The following HS3ST4 variants were observed in gnomAD, a reference collection of about 807,000 sequenced individuals.
HS3ST4 encodes heparan sulfate-glucosamine 3-sulfotransferase 4, also known as heparan sulfate glucosamine 3-O-sulfotransferase 4.
HS3ST4 carries 17 observed loss-of-function variants against 29.2 expected under a neutral mutation model. The ratio of observed to expected loss-of-function variants is 0.58; its 90% CI spans 0.40 to 0.87. The LOEUF is 0.87. Among genes scored for constraint, HS3ST4 ranks in the 40% least tolerant of loss-of-function variants. The probability of loss-of-function intolerance (pLI) is 0.00; values close to 1 mark genes in which losing one functional copy is unlikely to be tolerated. For missense variants in HS3ST4, 627 were observed against 634.5 expected, an observed-to-expected ratio of 0.99 and a Z score of 0.13; for synonymous variants, 314 against 285.7, an observed-to-expected ratio of 1.10 and a Z score of -1.00.
chr16:26,089,842 G>T (rs1439925357), intron 1 of HS3ST4, among the ~76,000 whole-genome samples: 1 of 152,128 alleles, frequency 6.6e-6, no homozygotes, highest in African/African-American at 2.4e-5. Flanking sequence ...TTTGGTCTCT[G>T]CAACTTTGGG....
intron 1 of HS3ST4, among the ~76,000 whole-genome samples, chr16:25,867,857 C>A (rs1967712010): frequency 6.6e-6 from 1 of 152,048 alleles, no homozygotes; most frequent in Non-Finnish European, 1.5e-5. Context: ...TTCATCGGGC[C>A]TCAGTTTACC....
chr16:25,927,446 G>A (rs959699070), intron 1 of HS3ST4, among the ~76,000 whole-genome samples: 3 of 152,160 alleles, frequency 2.0e-5, no homozygotes, highest in Non-Finnish European at 4.4e-5. Context: ...CTAACAATGT[G>A]AGCAATAATT....
intron 1 of HS3ST4, among the ~76,000 whole-genome samples, chr16:25,701,473 G>A (rs1269379404): frequency 6.6e-6 from 1 of 152,128 alleles, no homozygotes; most frequent in Non-Finnish European, 1.5e-5. Context: ...TAGAGAAAGA[G>A]GGGTTCAAGG....
At chr16:25,844,613 A>G (rs961353712) in intron 1 of HS3ST4, among the ~76,000 whole-genome samples, 4 of 152,202 alleles carry the variant, frequency 2.6e-5, no homozygotes, top group Non-Finnish European at 5.9e-5. Context: ...AGAAATGTTA[A>G]TTAGTTCAAC....
chr16:25,988,396 T>C (rs1328489543), intron 1 of HS3ST4, among the ~76,000 whole-genome samples: 1 of 152,136 alleles, frequency 6.6e-6, no homozygotes, highest in African/African-American at 2.4e-5. Flanking sequence ...GGACTGTGGA[T>C]GTTTTTTGGT....
At chr16:25,727,779 T>A (rs1966546637) in intron 1 of HS3ST4, among the ~76,000 whole-genome samples, 1 of 152,206 alleles carries the variant, frequency 6.6e-6, no homozygotes, top group Non-Finnish European at 1.5e-5. Context: ...ACTAGAATTA[T>A]GATCAGCTTC....
At chr16:25,898,264 T>C (rs192933589) in intron 1 of HS3ST4, among the ~76,000 whole-genome samples, 1 of 152,388 alleles carries the variant, frequency 6.6e-6, no homozygotes, top group Non-Finnish European at 1.5e-5. Context: ...TTAGTAGTGC[T>C]AATGGCACTC....
At chr16:25,790,627 T>A (rs770530334) in intron 1 of HS3ST4, among the ~76,000 whole-genome samples, 2 of 152,188 alleles carry the variant, frequency 1.3e-5, no homozygotes, top group Admixed American at 6.5e-5. Context: ...TTTGCATTTC[T>A]CTGACCACTG....
chr16:25,798,436 C>T (rs946217774), intron 1 of HS3ST4, among the ~76,000 whole-genome samples: 20 of 152,192 alleles, frequency 1.3e-4, no homozygotes, highest in Non-Finnish European at 1.9e-4. Context: ...CTCCCCTCAT[C>T]TGGGATGTTA....
chr16:25,904,135 GATGGATGGATGGATGGATGAATGGATGA>G (rs1460926211), intron 1 of HS3ST4, among the ~76,000 whole-genome samples: 4,571 of 120,074 alleles, frequency 0.038, 242 homozygotes, highest in African/African-American at 0.15. Context: ...TGGATGGATG[GATGGATGGATGGATGGATGAATGGATGA>G]ATGGATGGAT....
intron 1 of HS3ST4, among the ~76,000 whole-genome samples, chr16:25,897,022 G>C (rs138258973): frequency 2.6e-5 from 4 of 152,114 alleles, no homozygotes; most frequent in Admixed American, 6.5e-5. Context: ...AAGGGAACAC[G>C]GGTTGAAAAA....
chr16:25,693,168 C>T lies in HS3ST4; in HGVS notation c.734+17C>T, dbSNP rs1966269768. Reference sequence around the variant, plus strand: ...GTGGTACAGGTAGGACCCTGGGCTCCGCGGGCTGGTGGAGACGCGTGGGGG... The same window carrying T: ...GTGGTACAGGTAGGACCCTGGGCTCTGCGGGCTGGTGGAGACGCGTGGGGG... On this transcript the variant is annotated intron_variant, in intron 1 of 1. Coordinates refer to ENST00000331351, the MANE Select transcript of HS3ST4 (RefSeq NM_006040.3). The T allele has an allele frequency of 6.5e-6, 10 of 1,547,874 alleles. No individual in the cohort carries two copies. The highest frequency in any genetic ancestry group is 8.7e-6 in the Non-Finnish European group (10 of 1,149,286).
At chr16:25,887,769 C>T (rs1596603281) in intron 1 of HS3ST4, among the ~76,000 whole-genome samples, 1 of 143,480 alleles carries the variant, frequency 7.0e-6, no homozygotes, top group African/African-American at 2.7e-5. Flanking sequence ...GCTATCTCGG[C>T]TCACTGCCAG....
At chr16:25,828,242 C>CTTTTTCTATCTATCTTTCTTTCTT (rs1371928058) in intron 1 of HS3ST4, among the ~76,000 whole-genome samples, 1 of 75,018 alleles carries the variant, frequency 1.3e-5, no homozygotes, top group Non-Finnish European at 2.5e-5. Flanking sequence ...TTCTTTCTTT[C>CTTTTTCTATCTATCTTTCTTTCTT]TCTTTCTTTC....
intron 1 of HS3ST4, among the ~76,000 whole-genome samples, chr16:25,744,860 CCTT>C (rs1355907588): frequency 6.6e-6 from 1 of 152,206 alleles, no homozygotes; most frequent in Non-Finnish European, 1.5e-5. Flanking sequence ...AATTGCTCCT[CCTT>C]GCCTTCCACC....
rs543248387 is a variant in HS3ST4 at position 25,972,813 on chromosome 16, A to G, written c.735-162799A>G. On this transcript the variant is annotated intron_variant, in intron 1 of 1. Transcript: ENST00000331351. ...TTAGGAGCCATCAGTGCTGCCAGCC[A>G]CAGTGGCTGTGAGGATCAAATGAGT... 3.3e-5 allele frequency among the ~76,000 whole-genome samples: 5 copies of G among 152,362 alleles called. No individual in the cohort carries two copies. In the East Asian group the frequency reaches 9.6e-4, roughly 29 times the overall value.
chr16:25,872,860 T>A (rs575913738), intron 1 of HS3ST4, among the ~76,000 whole-genome samples: 1 of 150,728 alleles, frequency 6.6e-6, no homozygotes, highest in South Asian at 2.2e-4. Flanking sequence ...AGCTTCTCTG[T>A]GGGTCTAGCT....
At chr16:26,089,083 G>A (rs1214395501) in intron 1 of HS3ST4, among the ~76,000 whole-genome samples, 2 of 152,194 alleles carry the variant, frequency 1.3e-5, no homozygotes, top group African/African-American at 4.8e-5. Flanking sequence ...GTGTGCACAC[G>A]CACACATGCA....
rs1220084493 is a variant in HS3ST4, at chr16:25,841,788, T to TTCTA, written c.734+148637_734+148638insTCTA. On this transcript the variant is annotated intron_variant, in intron 1 of 1. Transcript: ENST00000331351. Reference sequence around the variant, plus strand: ...AACTAGAACCTGCGTCTGTGGGTGGTGTGGAGACTATTGCTTCAATATGTT... The same window carrying TTCTA: ...AACTAGAACCTGCGTCTGTGGGTGGTTCTAGTGGAGACTATTGCTTCAATATGTT... Among the ~76,000 whole-genome samples, 4 of 152,262 alleles carry TTCTA rather than the reference T, an allele frequency of 2.6e-5. No individual in the cohort carries two copies. The East Asian group carries it at 7.7e-4, about 29-fold the overall frequency.
Sources: allele counts gnomAD v4.1 joint callset (sites outside exome capture counted in the v4.1 genomes callset), GRCh38; gene constraint gnomAD v4.1.1; transcripts MANE v1.5; gene names NCBI Gene and HGNC (gene_info 2026-07-23, HGNC 2026-07-21).